Variants in CNTNAP2 observed in about 807,000 individuals in gnomAD.
CNTNAP2 encodes the protein contactin associated protein 2.
A neutral mutation model predicts 155.2 loss-of-function variants in CNTNAP2; 98 were observed. The ratio of observed to expected loss-of-function variants is 0.63; its 90% CI spans 0.54 to 0.75. CNTNAP2 has a LOEUF of 0.75. Among genes scored for constraint, CNTNAP2 ranks in the 30% least tolerant of loss-of-function variants. The pLI, the probability that CNTNAP2 is intolerant of heterozygous loss-of-function variation, is 0.00. For synonymous variants in CNTNAP2, 651 were observed against 631.2 expected, an observed-to-expected ratio of 1.03 and a Z score of -0.47; for missense variants, 1,727 against 1,688.1, an observed-to-expected ratio of 1.02 and a Z score of -0.40.
chr7:147,641,266 A>G (rs1040151830), intron 13 of CNTNAP2, among the ~76,000 whole-genome samples: 5 of 152,222 alleles, frequency 3.3e-5, no homozygotes, highest in African/African-American at 1.2e-4. Flanking sequence ...TATTGTGAAA[A>G]TGTGAGTGCT....
At chr7:147,198,955 CT>C (rs531893928) in intron 8 of CNTNAP2, among the ~76,000 whole-genome samples, 3,770 of 99,294 alleles carry the variant, frequency 0.038, 34 homozygotes, top group African/African-American at 0.088. Flanking sequence ...AATCAAAGGA[CT>C]TTTTTTTTTT....
intron 13 of CNTNAP2, among the ~76,000 whole-genome samples, chr7:147,710,658 A>G (rs556043310): frequency 3.3e-5 from 5 of 152,294 alleles, no homozygotes; most frequent in African/African-American, 1.2e-4. Context: ...CTATAATCCT[A>G]TATTATTTGA....
chr7:146,998,016 GC>G (rs1191497439), intron 3 of CNTNAP2, among the ~76,000 whole-genome samples: 1 of 151,578 alleles, frequency 6.6e-6, no homozygotes, highest in Non-Finnish European at 1.5e-5. Context: ...CTTTTCTAAG[GC>G]TTTTGTAGTC....
chr7:147,571,089 A>G (rs956088034), intron 12 of CNTNAP2, among the ~76,000 whole-genome samples: 1 of 152,178 alleles, frequency 6.6e-6, no homozygotes, highest in African/African-American at 2.4e-5. Flanking sequence ...TATATAAACC[A>G]TTATAGGCAA....
chr7:147,646,071 CCAGAGTG>C (rs1365858529), intron 13 of CNTNAP2, among the ~76,000 whole-genome samples: 2 of 152,156 alleles, frequency 1.3e-5, no homozygotes, highest in African/African-American at 4.8e-5. Context: ...TCTGTCCGCA[CCAGAGTG>C]CACATGGACT....
intron 1 of CNTNAP2, among the ~76,000 whole-genome samples, chr7:146,393,452 G>T (rs969262432): frequency 8.5e-5 from 13 of 152,134 alleles, no homozygotes; most frequent in South Asian, 4.1e-4. Context: ...CCATGATGGT[G>T]TCTTGCATTG....
rs142840443 is a variant in CNTNAP2 at position 146,567,590 on chromosome 7, T to C, written c.98-206681T>C. 1.7e-3 allele frequency among the ~76,000 whole-genome samples: 263 copies of C among 152,334 alleles called. 2 individuals carry two copies. The highest frequency in any genetic ancestry group is 4.2e-3 in the African/African-American group (175 of 41,578). On this transcript the variant is annotated intron_variant, in intron 1 of 23. Transcript: ENST00000361727. The stretch of plus-strand genomic sequence containing the variant: ...ACTAAATTATCAAGCTATATTTTCT[T>C]TCCTGGTTATTCTAAGTAGTGTCAA...
intron 12 of CNTNAP2, among the ~76,000 whole-genome samples, chr7:147,565,784 G>C (rs1444086291): frequency 4.2e-5 from 6 of 142,536 alleles, no homozygotes; most frequent in African/African-American, 1.0e-4. Context: ...GGAAGCTCAA[G>C]AACTTACTTT....
At chr7:147,033,434 C>A (rs1799083645) in intron 3 of CNTNAP2, among the ~76,000 whole-genome samples, 1 of 151,506 alleles carries the variant, frequency 6.6e-6, no homozygotes, top group Non-Finnish European at 1.5e-5. Context: ...AACGACATCC[C>A]CCTACAACTA....
chr7:146,363,538 A>G (rs1466746112), intron 1 of CNTNAP2, among the ~76,000 whole-genome samples: 1 of 152,168 alleles, frequency 6.6e-6, no homozygotes, highest in African/African-American at 2.4e-5. Context: ...TAAAATTAGT[A>G]ACCCAGTAAT....
chr7:147,618,652 T>A (rs143136094), intron 12 of CNTNAP2, among the ~76,000 whole-genome samples: 1 of 149,692 alleles, frequency 6.7e-6, no homozygotes, highest in East Asian at 1.9e-4. Context: ...ATATATATAA[T>A]AACAGCTATT....
chr7:147,924,138 C>CTT (rs758820864), intron 14 of CNTNAP2, among the ~76,000 whole-genome samples: 7 of 41,208 alleles, frequency 1.7e-4, no homozygotes, highest in African/African-American at 1.0e-3. Flanking sequence ...CTTTTCTTTT[C>CTT]TTTTCTTTTT....
At chr7:146,762,777 G>C (rs1563220645) in intron 1 of CNTNAP2, among the ~76,000 whole-genome samples, 1 of 152,148 alleles carries the variant, frequency 6.6e-6, no homozygotes, top group African/African-American at 2.4e-5. Flanking sequence ...GCAAAGTCAT[G>C]TCTTACATGG....
chr7:148,277,490 A>C (rs1173881763), intron 21 of CNTNAP2, among the ~76,000 whole-genome samples: 2 of 152,028 alleles, frequency 1.3e-5, no homozygotes, highest in East Asian at 3.9e-4. Flanking sequence ...TTCATGCTGC[A>C]CGAGAATGAG....
At chr7:146,599,896 T>G (rs1161647902) in intron 1 of CNTNAP2, among the ~76,000 whole-genome samples, 1 of 152,172 alleles carries the variant, frequency 6.6e-6, no homozygotes, top group Non-Finnish European at 1.5e-5. Context: ...ATGCTTTTGA[T>G]GGCATTCTGT....
intron 1 of CNTNAP2, among the ~76,000 whole-genome samples, chr7:146,319,996 C>T (rs1204140486): frequency 1.6e-5 from 2 of 126,208 alleles, no homozygotes; most frequent in Non-Finnish European, 3.1e-5. Flanking sequence ...GTAACTGTCG[C>T]CCCCCCCACC....
At chr7:146,655,210 C>T (rs1452993477) in intron 1 of CNTNAP2, among the ~76,000 whole-genome samples, 2 of 151,694 alleles carry the variant, frequency 1.3e-5, no homozygotes, top group African/African-American at 4.8e-5. Context: ...GTCAGGAGTT[C>T]AAGACCAGCC....
chr7:146,259,047 T>G (rs1385921663), intron 1 of CNTNAP2, among the ~76,000 whole-genome samples: 1 of 152,130 alleles, frequency 6.6e-6, no homozygotes, highest in Non-Finnish European at 1.5e-5. Flanking sequence ...GAGGGAGTTC[T>G]CATGAAATCT....
At chr7:147,923,683 A>T (rs78518817) in intron 14 of CNTNAP2, among the ~76,000 whole-genome samples, 2 of 12,154 alleles carry the variant, frequency 1.6e-4, no homozygotes. Flanking sequence ...CCAGCTAATT[A>T]AAAAAAAAAA....
Sources: allele counts gnomAD v4.1 joint callset (sites outside exome capture counted in the v4.1 genomes callset), GRCh38; gene constraint gnomAD v4.1.1; transcripts MANE v1.5; gene names NCBI Gene and HGNC (gene_info 2026-07-23, HGNC 2026-07-21).